The following DENND1B variants were observed in gnomAD, a reference collection of about 807,000 sequenced individuals.
DENND1B encodes DENN domain containing 1B, also known as DENN domain-containing protein 1B.
In DENND1B, 59 loss-of-function variants were observed where a neutral mutation model predicts 90.1. The observed-to-expected ratio is 0.65, with a 90% CI of 0.53 to 0.81. The LOEUF (loss-of-function observed/expected upper bound fraction) is 0.81. Ranked by LOEUF, DENND1B falls within the 40% of genes least tolerant of loss-of-function variation. The probability of loss-of-function intolerance (pLI) is 0.00; values close to 1 mark genes in which losing one functional copy is unlikely to be tolerated. For missense variants in DENND1B, 862 were observed against 912.6 expected (o/e 0.94, Z 0.71); for synonymous variants, 337 against 324.6 (o/e 1.04, Z -0.41).
intron 15 of DENND1B, among the ~76,000 whole-genome samples, chr1:197,568,172 C>T (rs1336674812): frequency 6.6e-6 from 1 of 151,972 alleles, no homozygotes; most frequent in African/African-American, 2.4e-5. Context: ...TAGCAAGATA[C>T]ACAATCAACG....
chr1:197,723,265 T>C (rs939305557), intron 2 of DENND1B, among the ~76,000 whole-genome samples: 1 of 152,142 alleles, frequency 6.6e-6, no homozygotes, highest in African/African-American at 2.4e-5. Flanking sequence ...AATCTCCTGA[T>C]AGAGTAATTC....
intron 20 of DENND1B, among the ~76,000 whole-genome samples, chr1:197,535,312 T>C (rs3861932): frequency 0.99 from 150,604 of 152,252 alleles, 74,500 homozygotes; most frequent in East Asian, 1. Flanking sequence ...AATAGCATTA[T>C]GGCAGTTCCC....
chr1:197,680,854 G>A (rs1346643174), intron 3 of DENND1B, among the ~76,000 whole-genome samples: 1 of 151,934 alleles, frequency 6.6e-6, no homozygotes, highest in African/African-American at 2.4e-5. Context: ...AAAAATTACT[G>A]TCTATCTCAT....
chr1:197,544,819 G>A (rs1018349327), intron 18 of DENND1B, among the ~76,000 whole-genome samples: 77 of 139,872 alleles, frequency 5.5e-4, no homozygotes, highest in Non-Finnish European at 1.4e-4. Flanking sequence ...AAGAGGAAGA[G>A]GAGGAAGAAG....
intron 15 of DENND1B, among the ~76,000 whole-genome samples, chr1:197,574,094 T>A (rs1012389667): frequency 1.3e-5 from 2 of 152,188 alleles, no homozygotes; most frequent in African/African-American, 4.8e-5. Flanking sequence ...TGGCCAGGGC[T>A]ATCAGGCAAG....
intron 3 of DENND1B, among the ~76,000 whole-genome samples, chr1:197,708,036 G>A (rs1483282834): frequency 6.7e-6 from 1 of 149,882 alleles, no homozygotes; most frequent in Non-Finnish European, 1.5e-5. Flanking sequence ...AAGAAACGGC[G>A]CACCACGAGA....
Position 197,538,374 on chromosome 1 carries a change from T to C in DENND1B, c.1515+1590A>G, listed in dbSNP as rs1359218463. Among the ~76,000 whole-genome samples, 4 of 152,166 alleles carry C rather than the reference T, an allele frequency of 2.6e-5. 1 individual carries two copies. Among genetic ancestry groups the C allele is most frequent in the Admixed American group, 2.6e-4 (4 of 15,292 alleles). ...TCACACATTAATAAATGTTCTCCAGTTAACAGCAGTAACAAGAAAAGGTTT... is the reference window on the plus strand; with the variant it reads ...TCACACATTAATAAATGTTCTCCAGCTAACAGCAGTAACAAGAAAAGGTTT... On this transcript the variant is annotated intron_variant, in intron 20 of 22. Coordinates refer to ENST00000620048, the MANE Select transcript of DENND1B (RefSeq NM_001195215.2).
At chr1:197,771,934 C>T (rs1159426100) in intron 2 of DENND1B, among the ~76,000 whole-genome samples, 2 of 152,148 alleles carry the variant, frequency 1.3e-5, no homozygotes, top group African/African-American at 4.8e-5. Context: ...GCACAATACA[C>T]AATATGACAA....
At chr1:197,775,051 G>T in intron 1 of DENND1B, 88 bp downstream of exon 1, 1 of 953,560 alleles carries the variant, frequency 1.0e-6, no homozygotes, top group South Asian at 5.1e-5. Context: ...GGAGCCGGTT[G>T]AGCGCGGAGG....
intron 2 of DENND1B, among the ~76,000 whole-genome samples, chr1:197,725,726 G>C (rs79456019): frequency 6.6e-6 from 1 of 151,798 alleles, no homozygotes; most frequent in Non-Finnish European, 1.5e-5. Context: ...GAGAGTTAAG[G>C]GGGAACAAGC....
At position 197,546,782 on chromosome 1, in the gene DENND1B, TATAAAA is replaced by T. The variant is rs1558225199; in HGVS notation, c.1241-15_1241-10del. ...ATATGACCTCGGGTTCCCTGGAATA[TATAAAA>T]ATGAGATGCCAGGAATGGTTGATCA... On this transcript the variant is annotated splice_polypyrimidine_tract_variant and intron_variant, in intron 16 of 22. Coordinates refer to ENST00000620048, the MANE Select transcript of DENND1B (RefSeq NM_001195215.2). The T allele has an allele frequency of 6.5e-7, 1 of 1,542,140 alleles. No individual in the cohort carries two copies. Among genetic ancestry groups the T allele is most frequent in the South Asian group, 1.2e-5 (1 of 81,102 alleles).
At chr1:197,749,175 T>C (rs1243188300) in intron 2 of DENND1B, among the ~76,000 whole-genome samples, 1 of 151,664 alleles carries the variant, frequency 6.6e-6, no homozygotes, top group Non-Finnish European at 1.5e-5. Flanking sequence ...CTAACACACA[T>C]GAACTGTGTC....
intron 2 of DENND1B, among the ~76,000 whole-genome samples, chr1:197,725,199 C>T (rs1571511552): frequency 6.6e-6 from 1 of 152,018 alleles, no homozygotes; most frequent in African/African-American, 2.4e-5. Context: ...GATATGGATA[C>T]CTTTCAAAGC....
chr1:197,512,535 G>A (rs1232211482), intron 21 of DENND1B, among the ~76,000 whole-genome samples: 1 of 151,372 alleles, frequency 6.6e-6, no homozygotes, highest in East Asian at 1.9e-4. Flanking sequence ...TCTTTCTATT[G>A]ACTATTATCA....
At chr1:197,762,664 T>C (rs1394106004) in intron 2 of DENND1B, among the ~76,000 whole-genome samples, 2 of 152,178 alleles carry the variant, frequency 1.3e-5, no homozygotes, top group African/African-American at 4.8e-5. Context: ...TCATTCTATA[T>C]ATCTGCTATT....
At chr1:197,706,834 A>C (rs1265404701) in intron 3 of DENND1B, among the ~76,000 whole-genome samples, 1 of 152,174 alleles carries the variant, frequency 6.6e-6, no homozygotes, top group Non-Finnish European at 1.5e-5. Flanking sequence ...TGGGAATGTA[A>C]ATTAGCATAG....
intron 2 of DENND1B, among the ~76,000 whole-genome samples, chr1:197,769,138 C>G (rs1365857225): frequency 1.3e-5 from 2 of 152,056 alleles, no homozygotes; most frequent in Non-Finnish European, 2.9e-5. Context: ...TAGTATAAAC[C>G]AAATTTACTC....
At chr1:197,700,441 A>C (rs1400200376) in intron 3 of DENND1B, among the ~76,000 whole-genome samples, 1 of 152,192 alleles carries the variant, frequency 6.6e-6, no homozygotes, top group East Asian at 1.9e-4. Context: ...CCACTGCCTT[A>C]CACCTTATAC....
chr1:197,586,689 G>A (rs903415797), intron 14 of DENND1B, among the ~76,000 whole-genome samples: 3 of 152,198 alleles, frequency 2.0e-5, no homozygotes, highest in African/African-American at 7.2e-5. Flanking sequence ...GCCTGAGACA[G>A]GGGTTCTTGG....
Sources: allele counts gnomAD v4.1 joint callset (sites outside exome capture counted in the v4.1 genomes callset), GRCh38; gene constraint gnomAD v4.1.1; transcripts MANE v1.5; gene names NCBI Gene and HGNC (gene_info 2026-07-23, HGNC 2026-07-21).